ADAMTS13: variants seen among roughly 807,000 people sequenced by gnomAD.
The protein encoded by ADAMTS13 is A disintegrin and metalloproteinase with thrombospondin motifs 13.
A neutral mutation model predicts 155.1 loss-of-function variants in ADAMTS13; 110 were observed. The observed-to-expected ratio is 0.71, with a 90% CI of 0.61 to 0.83. The LOEUF (loss-of-function observed/expected upper bound fraction) is 0.83. Among genes scored for constraint, ADAMTS13 ranks in the 40% least tolerant of loss-of-function variants. ADAMTS13 has a pLI of 0.00. For missense variants in ADAMTS13, 1,707 were observed against 1,891.7 expected, an observed-to-expected ratio of 0.90 and a Z score of 1.81; for synonymous variants, 758 against 756.4, an observed-to-expected ratio of 1.00 and a Z score of -0.03.
intron 9 of ADAMTS13, among the ~76,000 whole-genome samples, chr9:133,433,102 T>TG (rs1302704659): frequency 1.0e-5 from 1 of 95,448 alleles, no homozygotes; most frequent in African/African-American, 4.2e-5. Context: ...GTGTGTATGT[T>TG]GGGGGGTCTC....
At chr9:133,452,131 T>C (rs1049371576) in intron 23 of ADAMTS13, among the ~76,000 whole-genome samples, 2 of 151,790 alleles carry the variant, frequency 1.3e-5, no homozygotes, top group Non-Finnish European at 2.9e-5. Context: ...TTTTTTTTTT[T>C]TGAGACAGTT....
At chr9:133,421,108 A>G (rs1588147652), upstream of ADAMTS13, among the ~76,000 whole-genome samples, 1 of 152,204 alleles carries the variant, frequency 6.6e-6, no homozygotes, top group Non-Finnish European at 1.5e-5. Flanking sequence ...TCTACTAAAA[A>G]TACAAAAACT....
In ADAMTS13 at chr9:133,439,410, TAC is replaced by T; in HGVS notation, c.1752_1753del (p.Ile585CysfsTer29). ...AGTTACCCCCAACCTGACCAGTGTC[TAC>T]ATTGCCAACCACAGGCCTCTCTTCA... ...LTVTPNLTSV[Y>X]IANHRPLFTH... On this transcript the variant is annotated frameshift_variant, in exon 15 of 29. Transcript: ENST00000355699. LOFTEE classifies it high-confidence loss of function. 3.1e-6 allele frequency: 5 copies of T among 1,614,140 alleles called. No individual in the cohort carries two copies. The highest frequency in any genetic ancestry group is 3.4e-6 in the Non-Finnish European group (4 of 1,179,962).
In ADAMTS13 at chr9:133,426,240, G is replaced by T. The variant is rs1554785242; in HGVS notation, c.581G>T (p.Gly194Val). The T allele has an allele frequency of 3.7e-6, 6 of 1,613,386 alleles. No individual in the cohort carries two copies. In the East Asian group the frequency reaches 1.1e-4, roughly 30 times the overall value. ...CCTGATGGTAACCGGCAGGTGCGGG[G>T]CGTCACCCAGCTGGGCGGTGCCTGC... The part of the protein sequence containing the change: ...ELPDGNRQVR[G>V]VTQLGGACSP... Residue 194 changes from glycine to valine, a missense_variant, in exon 6 of 29, where the codon GGC becomes GTC. Gly to Val is a moderately radical substitution (Grantham distance 109). Coordinates refer to ENST00000355699, the MANE Select transcript of ADAMTS13 (RefSeq NM_139027.6).
rs1554784975 is a variant in ADAMTS13, at chr9:133,425,526, CAG to C, written c.331-2_331-1del. 1 of 1,612,734 alleles carries C rather than the reference CAG, an allele frequency of 6.2e-7. No homozygotes were observed. The highest frequency in any genetic ancestry group is 8.5e-7 in the Non-Finnish European group (1 of 1,179,644). On this transcript the variant is annotated splice_acceptor_variant, in intron 3 of 28. Transcript: ENST00000355699. LOFTEE classifies it high-confidence loss of function. The surrounding 1 kb of genome is among the most constrained non-coding windows in gnomAD (Gnocchi z 4.6). ...GTTACCTCTCTCATCTGCCCTTGCA[CAG>C]GGGGCAGAACTGCTTCGGGACCCGT... is the stretch of plus-strand genomic sequence containing the variant.
intron 23 of ADAMTS13, among the ~76,000 whole-genome samples, chr9:133,453,357 A>C (rs1842554187): frequency 1.3e-5 from 2 of 152,128 alleles, no homozygotes; most frequent in African/African-American, 4.8e-5. Flanking sequence ...AATGACGTGA[A>C]CCCAGGAGGC....
At chr9:133,446,338 C>T (rs915996316) in intron 21 of ADAMTS13, among the ~76,000 whole-genome samples, 1 of 152,172 alleles carries the variant, frequency 6.6e-6, no homozygotes, top group Non-Finnish European at 1.5e-5. Flanking sequence ...ACACGAACTC[C>T]CATTTCCCCC....
chr9:133,449,675 C>G, intron 22 of ADAMTS13, 108 bp from the exon 23 acceptor site: 1 of 1,350,248 alleles, frequency 7.4e-7, no homozygotes, highest in South Asian at 1.2e-5. Context: ...CCGGGCCCTT[C>G]CCAGCTTCCT....
chr9:133,418,683 T>G (rs1308579590), upstream of ADAMTS13, among the ~76,000 whole-genome samples: 1 of 152,180 alleles, frequency 6.6e-6, no homozygotes, highest in Non-Finnish European at 1.5e-5. Flanking sequence ...GGGGGCTGCA[T>G]GCACCGGTAA....
At chr9:133,450,739 G>A (rs965280539) in intron 23 of ADAMTS13, among the ~76,000 whole-genome samples, 4 of 152,178 alleles carry the variant, frequency 2.6e-5, no homozygotes, top group Admixed American at 6.5e-5. Context: ...TACAGAGCGA[G>A]ACTCCGTCTC....
upstream of ADAMTS13, chr9:133,422,233 C>G (rs896109068): frequency 8.1e-6 from 5 of 616,594 alleles, no homozygotes; most frequent in Admixed American, 1.0e-4. Context: ...CTGCAACCAT[C>G]TTAGAGCAAG....
chr9:133,456,918 C>T lies in ADAMTS13; in HGVS notation c.3724+199C>T, dbSNP rs1046378160. ...GGGTCACAGGATGAATGCTATATCC[C>T]TCCTTTTTGGGACCGTGCAGCAAGA... On this transcript the variant is annotated intron_variant, in intron 27 of 28. Coordinates refer to ENST00000355699, the MANE Select transcript of ADAMTS13 (RefSeq NM_139027.6). This position sits in a 1 kb window ranked among gnomAD's most constrained non-coding sequence, Gnocchi z 4.4. 3 of 733,066 alleles carry T rather than the reference C, an allele frequency of 4.1e-6. No individual in the cohort carries two copies. The highest frequency in any genetic ancestry group is 2.7e-5 in the East Asian group (1 of 36,936). 45.4% of individuals were successfully genotyped at this position (733,066 alleles called of 1,614,324 possible).
In ADAMTS13 at chr9:133,459,293, T is replaced by C. The variant is rs1554797266; in HGVS notation, c.*113T>C. The C allele has an allele frequency of 1.8e-6, 2 of 1,098,946 alleles. No homozygotes were observed. The highest frequency in any genetic ancestry group is 4.0e-5 in the Admixed American group (2 of 50,412). 68.1% of individuals were successfully genotyped at this position (1,098,946 alleles called of 1,614,324 possible). On this transcript the variant is annotated 3_prime_UTR_variant, in exon 29 of 29. Transcript: ENST00000355699. ...CTTAGGTATCTACTTTAGAGTCTTCTCCAATGTCCAAAAGGCTAGGGGGTT... is the reference window on the plus strand; with the variant it reads ...CTTAGGTATCTACTTTAGAGTCTTCCCCAATGTCCAAAAGGCTAGGGGGTT...
At chr9:133,455,886 C>A in intron 25 of ADAMTS13, 183 bp from the exon 26 acceptor site, 1 of 830,526 alleles carries the variant, frequency 1.2e-6, no homozygotes, top group South Asian at 1.6e-5. Flanking sequence ...CAGCCCTGTG[C>A]CCTGAGGGTG....
rs1842678971 is a variant in ADAMTS13, at chr9:133,455,411, T to C, written c.3376T>C (p.Trp1126Arg). The change falls in exon 25 of 29, where the codon TGG becomes CGG. Residue 1126 changes from tryptophan (W) to arginine (R), a missense_variant. Trp to Arg is a moderately radical substitution (Grantham distance 101, BLOSUM62 -3). This residue lies in a region of ADAMTS13 where 961 missense variants were observed against 1,107.9 expected (regional missense o/e 0.87). Transcript: ENST00000355699. ...CAAGCCGGTGACTGTGCGTGGCTGC[T>C]GGGCTGGGCCCTGTGTGGGACAGGG... ...LPKPVTVRGCWAGPCVGQGAC... is the reference protein window; with the variant it reads ...LPKPVTVRGCRAGPCVGQGAC... 1 of 1,612,530 alleles carries C rather than the reference T, an allele frequency of 6.2e-7. No homozygotes were observed. Among genetic ancestry groups the C allele is most frequent in the African/African-American group, 1.3e-5 (1 of 74,922 alleles).
At chr9:133,431,053 C>T (rs1554787310) in intron 8 of ADAMTS13, among the ~76,000 whole-genome samples, 1 of 152,062 alleles carries the variant, frequency 6.6e-6, no homozygotes, top group Non-Finnish European at 1.5e-5. Context: ...GTTGCCTCAA[C>T]TTCTTGGGCA....
In ADAMTS13 at chr9:133,449,920, G is replaced by A. The variant is rs781905328; in HGVS notation, c.2999G>A (p.Arg1000His). ...GACACCCAGTGCCAGGGGCTGCCTC[G>A]CCCGGAACCCCAGGAGGCCTGCAGC... ...LLDTQCQGLPRPEPQEACSLE... is the reference protein window; with the variant it reads ...LLDTQCQGLPHPEPQEACSLE... The change falls in exon 23 of 29, where the codon CGC becomes CAC. Residue 1000 changes from arginine to histidine, a missense_variant. Arg to His is a conservative substitution (Grantham distance 29). Around this residue, in one of 3 missense-constraint regions of ADAMTS13, gnomAD observed 961 missense variants for 1,107.9 expected, o/e 0.87. Transcript: ENST00000355699. 8.1e-6 allele frequency: 13 copies of A among 1,612,270 alleles called. No individual in the cohort carries two copies. Among genetic ancestry groups the A allele is most frequent in the Admixed American group, 5.0e-5 (3 of 59,826 alleles).
Position 133,424,307 on chromosome 9 carries a change from C to T in ADAMTS13, c.173-14C>T, listed in dbSNP as rs1840134628. 4 of 1,611,172 alleles carry T rather than the reference C, an allele frequency of 2.5e-6. No homozygotes were observed. The South Asian group carries it at 3.3e-5, about 13-fold the overall frequency. On this transcript the variant is annotated splice_polypyrimidine_tract_variant and intron_variant, in intron 2 of 28. Transcript: ENST00000355699. This position sits in a 1 kb window ranked among gnomAD's most constrained non-coding sequence, Gnocchi z 4.3. ...CTAGAACCATCGCCCTCTGCTCTCCCTCTCCCCCTCCAGGCCGCCCTCCTT... is the reference window on the plus strand; with the variant it reads ...CTAGAACCATCGCCCTCTGCTCTCCTTCTCCCCCTCCAGGCCGCCCTCCTT...
chr9:133,452,120 C>CT (rs79700317), intron 23 of ADAMTS13, among the ~76,000 whole-genome samples: 37,800 of 144,742 alleles, frequency 0.26, 5,854 homozygotes, highest in South Asian at 0.37. Context: ...TTTTCTTCTC[C>CT]TTTTTTTTTT....
Sources: allele counts gnomAD v4.1 joint callset (sites outside exome capture counted in the v4.1 genomes callset), GRCh38; gene constraint gnomAD v4.1.1; regional missense constraint gnomAD v4.1.1; non-coding constraint Gnocchi (gnomAD v3.1); transcripts MANE v1.5; gene names NCBI Gene and HGNC (gene_info 2026-07-23, HGNC 2026-07-21).